AP4S1: variants seen among roughly 807,000 people sequenced by gnomAD.
AP4S1 encodes the protein AP-4 complex subunit sigma-1.
Under a neutral mutation model 19.8 loss-of-function variants are expected in AP4S1, and 23 were observed. That is an observed-to-expected ratio of 1.16 (90% CI 0.84 to 1.65). The LOEUF (loss-of-function observed/expected upper bound fraction) is 1.65. Ranked by LOEUF, AP4S1 falls within the 40% of genes most tolerant of loss-of-function variation. The probability of loss-of-function intolerance (pLI) is 0.00; values close to 1 mark genes in which losing one functional copy is unlikely to be tolerated. For synonymous variants in AP4S1, 46 were observed against 54.1 expected (o/e 0.85, Z 0.66); for missense variants, 166 against 172.8 (o/e 0.96, Z 0.22).
chr14:31,026,282 G>T (rs569253672), intron 1 of AP4S1: 77 of 1,260,922 alleles, frequency 6.1e-5, no homozygotes, highest in Admixed American at 2.9e-4. Context: ...GGCGGAGGCC[G>T]GCCGGGAGAG....
At chr14:31,033,220 A>AT (rs1031662836) in intron 1 of AP4S1, among the ~76,000 whole-genome samples, 2,636 of 148,658 alleles carry the variant, frequency 0.018, 65 homozygotes, top group African/African-American at 0.061. Context: ...ATAGTGTTTA[A>AT]TTTTTTTTTT....
At chr14:31,069,960 C>G in intron 3 of AP4S1, 31 bp downstream of exon 3, 3 of 1,538,224 alleles carry the variant, frequency 2.0e-6, no homozygotes, top group South Asian at 2.2e-5. Flanking sequence ...TTGGAAAATG[C>G]AAGAATTTCT....
At chr14:31,060,110 ATGT>A (rs913301527) in intron 1 of AP4S1, among the ~76,000 whole-genome samples, 5 of 150,546 alleles carry the variant, frequency 3.3e-5, no homozygotes, top group African/African-American at 9.7e-5. Flanking sequence ...TTATATCATA[ATGT>A]TGTTTCTAGT....
intron 5 of AP4S1, among the ~76,000 whole-genome samples, chr14:31,086,622 G>A (rs369095561): frequency 5.9e-5 from 9 of 152,032 alleles, no homozygotes; most frequent in African/African-American, 1.9e-4. Context: ...TGCCATGTTG[G>A]CCAGGCTGGT....
chr14:31,039,517 C>T (rs1884974131), intron 1 of AP4S1, among the ~76,000 whole-genome samples: 1 of 150,388 alleles, frequency 6.6e-6, no homozygotes, highest in African/African-American at 2.5e-5. Context: ...TTAATTTTAA[C>T]TCAAGAAACA....
chr14:31,063,661 A>G (rs929734596), intron 1 of AP4S1, among the ~76,000 whole-genome samples: 6 of 152,188 alleles, frequency 3.9e-5, no homozygotes, highest in Admixed American at 1.3e-4. Context: ...GTCCCAGACC[A>G]GAACAGACTA....
At chr14:31,027,037 A>C (rs1310386238) in intron 1 of AP4S1, 2 of 149,824 alleles carry the variant, frequency 1.3e-5, no homozygotes, top group African/African-American at 4.9e-5. Flanking sequence ...TCCCATTTCT[A>C]TGCGCTCGGT....
Position 31,026,247 on chromosome 14 carries a change from G to T in AP4S1, c.-72+460G>T. 3 of 1,362,418 alleles carry T rather than the reference G, an allele frequency of 2.2e-6. No homozygotes were observed. The South Asian group carries it at 5.2e-5, about 24-fold the overall frequency. The allele number at this position is 1,362,418 out of a possible 1,614,324, so 84.4% of individuals were successfully genotyped here. ...GCCGACAGCTGGGGGAAGGGCCGGAGAGGGTGGCCCCGCGCTGGCTGCGGG... is the reference window on the plus strand; with the variant it reads ...GCCGACAGCTGGGGGAAGGGCCGGATAGGGTGGCCCCGCGCTGGCTGCGGG... On this transcript the variant is annotated intron_variant, in intron 1 of 5. Transcript: ENST00000542754.
At chr14:31,067,617 C>A (rs1271803328) in intron 2 of AP4S1, among the ~76,000 whole-genome samples, 1 of 151,340 alleles carries the variant, frequency 6.6e-6, no homozygotes, top group Non-Finnish European at 1.5e-5. Context: ...TTCCCGGGTT[C>A]AAGCGATTCT....
intron 3 of AP4S1, 40 bp from the exon 4 acceptor site, chr14:31,072,865 C>G (rs759446072): frequency 6.5e-7 from 1 of 1,534,074 alleles, no homozygotes; most frequent in Non-Finnish European, 9.0e-7. Context: ...ACATGGGAAG[C>G]GACACTAAAA....
chr14:31,079,115 G>T (rs1271253871), intron 4 of AP4S1, among the ~76,000 whole-genome samples: 2 of 152,120 alleles, frequency 1.3e-5, no homozygotes, highest in African/African-American at 4.8e-5. Flanking sequence ...AGAGGTGAGG[G>T]TTGTTGCTGT....
rs545198645 is a variant in AP4S1, at chr14:31,094,895, A to T, written c.*1860A>T. The T allele has an allele frequency of 3.9e-5, 6 of 152,374 alleles. No homozygotes were observed. The highest frequency in any genetic ancestry group is 2.0e-4 in the Admixed American group (3 of 15,290). 9.4% of individuals were successfully genotyped at this position (152,374 alleles called of 1,614,324 possible). On this transcript the variant is annotated 3_prime_UTR_variant, in exon 6 of 6. Coordinates refer to ENST00000542754, the MANE Select transcript of AP4S1 (RefSeq NM_001128126.3). ...GCCAGGCATGGTGGCAAGCACCTCT[A>T]ATCTCAGCTACTCAGGAGGCTGAGG...
chr14:31,039,217 G>A (rs1227392065), intron 1 of AP4S1, among the ~76,000 whole-genome samples: 3 of 151,658 alleles, frequency 2.0e-5, no homozygotes, highest in Admixed American at 6.6e-5. Flanking sequence ...ATGGAGTCTC[G>A]CTCTGTCGCC....
At chr14:31,076,090 C>A (rs2139083190) in intron 4 of AP4S1, among the ~76,000 whole-genome samples, 1 of 152,258 alleles carries the variant, frequency 6.6e-6, no homozygotes, top group East Asian at 1.9e-4. Context: ...TGAGTTATTT[C>A]CAGTTTTTGG....
At chr14:31,039,745 C>A (rs1250434151) in intron 1 of AP4S1, among the ~76,000 whole-genome samples, 1 of 151,874 alleles carries the variant, frequency 6.6e-6, no homozygotes, top group Non-Finnish European at 1.5e-5. Flanking sequence ...CGCGCGCCAC[C>A]ATGCCCGGCT....
At chr14:31,048,093 ATTT>A (rs1160411626) in intron 1 of AP4S1, among the ~76,000 whole-genome samples, 1 of 136,452 alleles carries the variant, frequency 7.3e-6, no homozygotes, top group Non-Finnish European at 1.6e-5. Flanking sequence ...TATTTCTTTA[ATTT>A]TTTTTTTTTT....
At position 31,025,656 on chromosome 14, in the gene AP4S1, G is replaced by A. The variant is rs1271322493; in HGVS notation, c.-203G>A. 1 of 586,050 alleles carries A rather than the reference G, an allele frequency of 1.7e-6. No homozygotes were observed. The highest frequency in any genetic ancestry group is 3.4e-5 in the Admixed American group (1 of 29,492). 36.3% of individuals were successfully genotyped at this position (586,050 alleles called of 1,614,324 possible). On this transcript the variant is annotated 5_prime_UTR_variant, in exon 1 of 6. Transcript: ENST00000542754. Reference sequence around the variant, plus strand: ...AGCCCCCGCAGACGCCATACTAAAAGCCAAAATGGCTGCCCCGAGGAGGCC... The same window carrying A: ...AGCCCCCGCAGACGCCATACTAAAAACCAAAATGGCTGCCCCGAGGAGGCC...
rs147307302 is a variant in AP4S1, at chr14:31,080,460, A to T, written c.295-113A>T. On this transcript the variant is annotated intron_variant, in intron 4 of 5. Coordinates refer to ENST00000542754, the MANE Select transcript of AP4S1 (RefSeq NM_001128126.3). ...TGCTGTGGCCACCAAGCCCAGAAGC[A>T]GGTAGGAGAGGCCGCTGCTATGGAC... 1,363 of 838,628 alleles carry T rather than the reference A, an allele frequency of 1.6e-3. 11 individuals carry two copies. The African/African-American group carries it at 0.02, about 12-fold the overall frequency. 51.9% of individuals were successfully genotyped at this position (838,628 alleles called of 1,614,324 possible). A position where few individuals can be genotyped will look rare whatever the true frequency, so the allele number is the denominator to read the frequency against.
At chr14:31,091,788 G>A (rs555015224) in intron 5 of AP4S1, among the ~76,000 whole-genome samples, 3 of 152,212 alleles carry the variant, frequency 2.0e-5, no homozygotes, top group East Asian at 1.9e-4. Flanking sequence ...TTTGAACTCC[G>A]CTAGTGCATT....
Sources: gnomAD v4.1 joint callset for allele counts (sites outside exome capture counted in the v4.1 genomes callset) on GRCh38, gnomAD v4.1.1 for gene constraint, MANE v1.5 for transcripts, NCBI Gene and HGNC (gene_info 2026-07-23, HGNC 2026-07-21) for gene names.